MBNL1: variants seen among roughly 807,000 people sequenced by gnomAD.
MBNL1 encodes the protein muscleblind like splicing regulator 1, also known as muscleblind-like protein 1.
A neutral mutation model predicts 42.2 loss-of-function variants in MBNL1; 8 were observed. That is an observed-to-expected ratio of 0.19 (90% CI 0.11 to 0.34). MBNL1 has a LOEUF of 0.34. Ranked by LOEUF, MBNL1 falls within the 10% of genes least tolerant of loss-of-function variation. The probability of loss-of-function intolerance (pLI) is 1.00; values close to 1 mark genes in which losing one functional copy is unlikely to be tolerated. For missense variants in MBNL1, 309 were observed against 495.3 expected (o/e 0.62, Z 3.57); for synonymous variants, 169 against 173.9 (o/e 0.97, Z 0.22).
chr3:152,279,124 A>G (rs2046946572), intron 1 of MBNL1, among the ~76,000 whole-genome samples: 1 of 152,070 alleles, frequency 6.6e-6, no homozygotes, highest in Non-Finnish European at 1.5e-5. Flanking sequence ...GATGAAAGCT[A>G]CCATATTTGA....
chr3:152,265,575 C>G (rs1344621136), upstream of MBNL1: 1 of 152,092 alleles, frequency 6.6e-6, no homozygotes, highest in African/African-American at 2.4e-5. Flanking sequence ...ATAAATGCTG[C>G]CATTATCTTT....
chr3:152,417,480 T>G (rs1462349722), intron 3 of MBNL1, among the ~76,000 whole-genome samples: 1 of 152,294 alleles, frequency 6.6e-6, no homozygotes, highest in East Asian at 1.9e-4. Context: ...ATCAGCAGTA[T>G]TCAGAGTATC....
rs185962461 is a variant in MBNL1 at position 152,339,537 on chromosome 3, T to C, written c.174+39170T>C. ...ATCTGTGAAGTGATATTAAGACACC[T>C]CTTCTAATATGAGATCATTGTTGGC... On this transcript the variant is annotated intron_variant, in intron 2 of 9. Transcript: ENST00000324210. 2.2e-3 allele frequency among the ~76,000 whole-genome samples: 329 copies of C among 152,236 alleles called. 1 individual carries two copies. The highest frequency in any genetic ancestry group is 7.5e-3 in the African/African-American group (313 of 41,546).
rs548270496 is a variant in MBNL1 at position 152,311,515 on chromosome 3, T to C, written c.174+11148T>C. On this transcript the variant is annotated intron_variant, in intron 2 of 9. Coordinates refer to ENST00000324210, the MANE Select transcript of MBNL1 (RefSeq NM_021038.5). The stretch of plus-strand genomic sequence containing the variant: ...GATTCATATATCTTATTGTATGTCA[T>C]GCTTGTTTGTGATTTTGAGTATTAC... Among the ~76,000 whole-genome samples the C allele has an allele frequency of 2.6e-5, 4 of 152,318 alleles. No individual in the cohort carries two copies. The South Asian group carries it at 8.3e-4, about 32-fold the overall frequency.
intron 2 of MBNL1, chr3:152,340,413 A>T: frequency 1.6e-6 from 2 of 1,244,958 alleles, no homozygotes; most frequent in Non-Finnish European, 2.2e-6. Flanking sequence ...ACAATGACTG[A>T]GTTTTTTCCT....
intron 2 of MBNL1, among the ~76,000 whole-genome samples, chr3:152,371,628 G>A (rs534233716): frequency 5.8e-4 from 89 of 152,144 alleles, no homozygotes; most frequent in African/African-American, 1.9e-3. Context: ...ATATTGGCCC[G>A]CACTCTCTTC....
intron 3 of MBNL1, among the ~76,000 whole-genome samples, chr3:152,427,576 C>T (rs1213433917): frequency 1.3e-5 from 2 of 151,998 alleles, no homozygotes; most frequent in East Asian, 3.9e-4. Context: ...AAAAAAAGAA[C>T]TTTATAATAT....
chr3:152,362,268 G>A (rs933626842), intron 2 of MBNL1, among the ~76,000 whole-genome samples: 1 of 152,142 alleles, frequency 6.6e-6, no homozygotes, highest in African/African-American at 2.4e-5. Flanking sequence ...TCAATTCTCT[G>A]TGCTCACTGC....
At position 152,456,278 on chromosome 3, in the gene MBNL1, C is replaced by T; in HGVS notation, c.1009C>T (p.His337Tyr). 6.2e-7 allele frequency: 1 copy of T among 1,613,176 alleles called. No individual in the cohort carries two copies. The highest frequency in any genetic ancestry group is 8.5e-7 in the Non-Finnish European group (1 of 1,179,156). ...TTTCCCTCCGAAAGTTCCCATGGTG[C>T]ACGGTGCTACGCCAGCCACTGTGTC... ...TPATSVVPMV[H>Y]GATPATVSAA... The change falls in exon 8 of 10, where the codon CAC (histidine) becomes TAC (tyrosine). Residue 337 changes from histidine to tyrosine, a missense_variant. Transcript: ENST00000324210.
intron 2 of MBNL1, among the ~76,000 whole-genome samples, chr3:152,344,340 G>A (rs773104430): frequency 1.3e-5 from 2 of 152,120 alleles, no homozygotes; most frequent in Non-Finnish European, 2.9e-5. Flanking sequence ...TCAGGATGCC[G>A]TGTGTACTAA....
intron 2 of MBNL1, among the ~76,000 whole-genome samples, chr3:152,343,500 A>AGTG: frequency 6.6e-6 from 1 of 152,288 alleles, no homozygotes; most frequent in South Asian, 2.1e-4. Flanking sequence ...TCTGGGAAAT[A>AGTG]GTGGGCACCC....
At chr3:152,455,843 A>T (rs1013792552) in intron 7 of MBNL1, among the ~76,000 whole-genome samples, 27 of 152,230 alleles carry the variant, frequency 1.8e-4, no homozygotes, top group African/African-American at 6.3e-4. Flanking sequence ...ATTTCATAAA[A>T]GTAATATACT....
intron 2 of MBNL1, among the ~76,000 whole-genome samples, chr3:152,355,595 G>A (rs1398709841): frequency 6.6e-6 from 1 of 151,890 alleles, no homozygotes; most frequent in Non-Finnish European, 1.5e-5. Flanking sequence ...CCATTTTTTC[G>A]TATTTTTCAA....
chr3:152,425,743 A>G (rs1408489499), intron 3 of MBNL1, among the ~76,000 whole-genome samples: 1 of 152,232 alleles, frequency 6.6e-6, no homozygotes, highest in Non-Finnish European at 1.5e-5. Flanking sequence ...GAATGCTTTT[A>G]CACTGTTGGG....
chr3:152,459,309 G>A lies in MBNL1; in HGVS notation c.1131G>A (p.Lys377=). Residue 377 remains lysine, a synonymous_variant, in exon 9 of 10, where the codon AAG becomes AAA. Transcript: ENST00000324210. ...IISAEHLTSH[K]YVTQM ...CTGCCGAACATCTGACTAGCCACAA[G>A]TATGTTACCCAGATGTAGAATTTTC... The A allele has an allele frequency of 1.3e-6, 2 of 1,581,444 alleles. No individual in the cohort carries two copies. The highest frequency in any genetic ancestry group is 1.2e-5 in the South Asian group (1 of 85,472).
chr3:152,331,845 C>T (rs2152644214), intron 2 of MBNL1, among the ~76,000 whole-genome samples: 1 of 152,180 alleles, frequency 6.6e-6, no homozygotes, highest in Non-Finnish European at 1.5e-5. Flanking sequence ...CTCCCCACTA[C>T]CACACCCAGC....
chr3:152,439,553 G>T (rs1560600190), intron 4 of MBNL1, among the ~76,000 whole-genome samples: 1 of 152,100 alleles, frequency 6.6e-6, no homozygotes, highest in Non-Finnish European at 1.5e-5. Context: ...GTTTATGTAG[G>T]TTGTTTTTTT....
At chr3:152,318,030 A>G (rs2073335071) in intron 2 of MBNL1, among the ~76,000 whole-genome samples, 1 of 152,234 alleles carries the variant, frequency 6.6e-6, no homozygotes, top group Non-Finnish European at 1.5e-5. Context: ...TTAGAACTTC[A>G]TGCATAAATT....
Position 152,403,118 on chromosome 3 carries a change from ATGT to A in MBNL1, c.175-11817_175-11815del, listed in dbSNP as rs548062357. On this transcript the variant is annotated intron_variant, in intron 2 of 9. Coordinates refer to ENST00000324210, the MANE Select transcript of MBNL1 (RefSeq NM_021038.5). ...TAGCAGATCCAGGCTTTCAGCCTAA[ATGT>A]TGTTGGTGTGATAGCAAGAAAAAAA... Among the ~76,000 whole-genome samples the A allele has an allele frequency of 2.6e-3, 399 of 152,160 alleles. 1 individual carries two copies. The highest frequency in any genetic ancestry group is 9.2e-3 in the African/African-American group (381 of 41,492).
Sources: gnomAD v4.1 joint callset for allele counts (sites outside exome capture counted in the v4.1 genomes callset) on GRCh38, gnomAD v4.1.1 for gene constraint, MANE v1.5 for transcripts, NCBI Gene and HGNC (gene_info 2026-07-23, HGNC 2026-07-21) for gene names.